NRXN3: variants seen among roughly 807,000 people sequenced by gnomAD.
NRXN3 encodes neurexin 3, also known as neurexin III.
In NRXN3, 32 loss-of-function variants were observed where a neutral mutation model predicts 137.6. The ratio of observed to expected loss-of-function variants is 0.23; its 90% CI spans 0.18 to 0.31. The LOEUF (loss-of-function observed/expected upper bound fraction) is 0.31. Ranked by LOEUF, NRXN3 falls within the 10% of genes least tolerant of loss-of-function variation. NRXN3 has a pLI of 1.00. For synonymous variants in NRXN3, 798 were observed against 784.5 expected, an observed-to-expected ratio of 1.02 and a Z score of -0.29; for missense variants, 1,574 against 2,062.5, an observed-to-expected ratio of 0.76 and a Z score of 4.59.
chr14:79,577,222 T>G (rs143751038), intron 16 of NRXN3, among the ~76,000 whole-genome samples: 38 of 152,294 alleles, frequency 2.5e-4, no homozygotes, highest in Non-Finnish European at 3.7e-4. Context: ...TGTTTTTCTT[T>G]ATCAATTACC....
intron 10 of NRXN3, among the ~76,000 whole-genome samples, chr14:78,817,054 G>A (rs1033297156): frequency 6.6e-5 from 10 of 152,190 alleles, no homozygotes; most frequent in Non-Finnish European, 1.3e-4. Context: ...TAGAAAAGTA[G>A]CAATATGTTA....
intron 6 of NRXN3, among the ~76,000 whole-genome samples, chr14:78,665,489 C>T (rs114552072): frequency 3.9e-5 from 6 of 152,138 alleles, no homozygotes; most frequent in African/African-American, 1.4e-4. Flanking sequence ...TACCTCCCAC[C>T]GGGTTCCTCT....
At chr14:79,054,502 C>T (rs1281298946) in intron 15 of NRXN3, among the ~76,000 whole-genome samples, 1 of 152,088 alleles carries the variant, frequency 6.6e-6, no homozygotes, top group East Asian at 1.9e-4. Flanking sequence ...AAACTTTTCA[C>T]AAAAATTTGT....
chr14:79,508,612 G>A (rs1367336216), intron 16 of NRXN3, among the ~76,000 whole-genome samples: 2 of 151,296 alleles, frequency 1.3e-5, no homozygotes, highest in Non-Finnish European at 2.9e-5. Context: ...GGCTGGTCTT[G>A]AACTCCTGAC....
intron 17 of NRXN3, among the ~76,000 whole-genome samples, chr14:79,669,968 G>GAAAGAT (rs774602143): frequency 2.0e-5 from 3 of 152,046 alleles, no homozygotes; most frequent in Non-Finnish European, 4.4e-5. Context: ...CTTTCTTTCA[G>GAAAGAT]ACTGACTACC....
At chr14:79,657,065 A>G (rs2098509932) in intron 16 of NRXN3, among the ~76,000 whole-genome samples, 1 of 151,706 alleles carries the variant, frequency 6.6e-6, no homozygotes, top group Admixed American at 6.6e-5. Context: ...CAAACCCATC[A>G]TTAACATATT....
intron 14 of NRXN3, among the ~76,000 whole-genome samples, chr14:78,969,018 A>G (rs186399238): frequency 2.4e-4 from 37 of 152,314 alleles, no homozygotes; most frequent in Non-Finnish European, 1.2e-4. Context: ...TGTAAGCTAT[A>G]TCTTTCTTAC....
chr14:78,381,391 G>A (rs540194387), intron 4 of NRXN3, among the ~76,000 whole-genome samples: 42 of 152,200 alleles, frequency 2.8e-4, no homozygotes, highest in East Asian at 2.1e-3. Context: ...TCCAGCAAAG[G>A]ATTATTATCT....
chr14:79,145,814 C>A (rs1310327346), intron 15 of NRXN3, among the ~76,000 whole-genome samples: 2 of 152,142 alleles, frequency 1.3e-5, no homozygotes, highest in African/African-American at 2.4e-5. Flanking sequence ...TGTATAGTCC[C>A]AAACTTTTCC....
chr14:79,004,371 G>T (rs1598426261), intron 15 of NRXN3, among the ~76,000 whole-genome samples: 1 of 151,958 alleles, frequency 6.6e-6, no homozygotes, highest in African/African-American at 2.4e-5. Flanking sequence ...TCAGCCTCCC[G>T]AGTAGCTGGG....
intron 16 of NRXN3, among the ~76,000 whole-genome samples, chr14:79,585,571 G>T (rs1486200945): frequency 6.6e-6 from 1 of 151,466 alleles, no homozygotes; most frequent in African/African-American, 2.4e-5. Context: ...TGTAGTCCCA[G>T]CTACTCAGGA....
At chr14:79,759,085 AT>A (rs1336850031) in intron 19 of NRXN3, among the ~76,000 whole-genome samples, 1 of 152,140 alleles carries the variant, frequency 6.6e-6, no homozygotes, top group African/African-American at 2.4e-5. Context: ...ATGTAATAAG[AT>A]TTTTTTAGAT....
At position 79,442,345 on chromosome 14, in the gene NRXN3, G is replaced by T. The variant is rs560421512; in HGVS notation, c.3263-24876G>T. 2.4e-4 allele frequency among the ~76,000 whole-genome samples: 37 copies of T among 152,306 alleles called. 1 individual carries two copies. In the South Asian group the frequency reaches 7.7e-3, roughly 32 times the overall value. On this transcript the variant is annotated intron_variant, in intron 15 of 20. Transcript: ENST00000335750. ...ACAAAACTAAGCTAAGATTCTTTAAGTAATGTTCATGGGGAGTTTGTGCAT... is the reference window on the plus strand; with the variant it reads ...ACAAAACTAAGCTAAGATTCTTTAATTAATGTTCATGGGGAGTTTGTGCAT...
intron 16 of NRXN3, among the ~76,000 whole-genome samples, chr14:79,508,997 T>A (rs532277303): frequency 1.3e-5 from 2 of 151,698 alleles, no homozygotes; most frequent in African/African-American, 4.8e-5. Flanking sequence ...GAGTTTGAGA[T>A]CAGCCTGGCC....
At chr14:79,756,018 T>A (rs2099018260) in intron 19 of NRXN3, among the ~76,000 whole-genome samples, 1 of 152,126 alleles carries the variant, frequency 6.6e-6, no homozygotes, top group Non-Finnish European at 1.5e-5. Context: ...CTCCAGAAAA[T>A]CTCTTACCTC....
chr14:78,536,422 C>T (rs1289579433), intron 4 of NRXN3, among the ~76,000 whole-genome samples: 3 of 152,158 alleles, frequency 2.0e-5, no homozygotes, highest in Non-Finnish European at 4.4e-5. Flanking sequence ...GAAACCCAAA[C>T]TAAGGCATGG....
intron 15 of NRXN3, among the ~76,000 whole-genome samples, chr14:79,370,323 GTTT>G (rs71131696): frequency 7.3e-6 from 1 of 137,496 alleles, no homozygotes. Flanking sequence ...GTTTTTTTTT[GTTT>G]TTTTTTTTTG....
intron 4 of NRXN3, among the ~76,000 whole-genome samples, chr14:78,418,037 A>G (rs914150843): frequency 6.6e-6 from 1 of 152,162 alleles, no homozygotes; most frequent in African/African-American, 2.4e-5. Context: ...GATTACAGGC[A>G]TGAGCCCCCA....
chr14:79,327,186 C>T (rs2091016599), intron 15 of NRXN3, among the ~76,000 whole-genome samples: 1 of 152,112 alleles, frequency 6.6e-6, no homozygotes, highest in African/African-American at 2.4e-5. Context: ...TTGAAGGGCT[C>T]CTTATGTTCA....
Sources: gnomAD v4.1 joint callset for allele counts (sites outside exome capture counted in the v4.1 genomes callset) on GRCh38, gnomAD v4.1.1 for gene constraint, MANE v1.5 for transcripts, NCBI Gene and HGNC (gene_info 2026-07-23, HGNC 2026-07-21) for gene names.